KCNK2: variants seen among roughly 807,000 people sequenced by gnomAD.
KCNK2 encodes the protein potassium two pore domain channel subfamily K member 2.
KCNK2 carries 21 observed loss-of-function variants against 40.5 expected under a neutral mutation model. The ratio of observed to expected loss-of-function variants is 0.52; its 90% confidence interval spans 0.37 to 0.75. The LOEUF is 0.75. Among genes scored for constraint, KCNK2 ranks in the 30% least tolerant of loss-of-function variants. The pLI is 0.00. For missense variants in KCNK2, 399 were observed against 531.6 expected, an observed-to-expected ratio of 0.75 and a Z score of 2.45; for synonymous variants, 191 against 202.2, an observed-to-expected ratio of 0.94 and a Z score of 0.47.
At chr1:215,083,856 A>G (rs547314985) in intron 1 of KCNK2, among the ~76,000 whole-genome samples, 5 of 152,250 alleles carry the variant, frequency 3.3e-5, no homozygotes, top group South Asian at 4.1e-4. Flanking sequence ...GAGCGAAGAC[A>G]TATCTGGGTG....
intron 6 of KCNK2, among the ~76,000 whole-genome samples, chr1:215,229,128 C>CT (rs1171885885): frequency 1.3e-5 from 2 of 150,206 alleles, no homozygotes; most frequent in African/African-American, 4.9e-5. Flanking sequence ...TAAGACAATT[C>CT]TTTTTTTTCT....
intron 1 of KCNK2, among the ~76,000 whole-genome samples, chr1:215,011,617 A>ACATTCATCCTTC (rs1383538977): frequency 2.3e-5 from 3 of 130,650 alleles, no homozygotes; most frequent in East Asian, 2.4e-4. Flanking sequence ...TTTTATTTTT[A>ACATTCATCCTTC]TTTTTTGAGA....
intron 1 of KCNK2, among the ~76,000 whole-genome samples, chr1:215,011,328 T>C (rs1312749785): frequency 1.3e-5 from 2 of 152,196 alleles, no homozygotes; most frequent in Admixed American, 6.5e-5. Flanking sequence ...GGTCTCACAC[T>C]GGTTGTCCAG....
intron 3 of KCNK2, among the ~76,000 whole-genome samples, chr1:215,155,910 G>T (rs1662898646): frequency 6.6e-6 from 1 of 152,064 alleles, no homozygotes; most frequent in Admixed American, 6.5e-5. Flanking sequence ...GTATCTTGAG[G>T]TGTTTATATT....
At chr1:215,194,682 G>C (rs745948783) in intron 5 of KCNK2, among the ~76,000 whole-genome samples, 23 of 152,108 alleles carry the variant, frequency 1.5e-4, no homozygotes, top group Non-Finnish European at 3.1e-4. Flanking sequence ...TTATATAAAT[G>C]TAAATGAAAC....
At position 215,083,197 on chromosome 1, in the gene KCNK2, C is replaced by CCCCCCCCCCCCT; in HGVS notation, c.-183_-182insCCCCCTCCCCCC. 5.6e-6 allele frequency: 3 copies of CCCCCCCCCCCCT among 536,500 alleles called. No individual in the cohort carries two copies. Among genetic ancestry groups the CCCCCCCCCCCCT allele is most frequent in the Admixed American group, 3.0e-5 (1 of 33,106 alleles). The allele number at this position is 536,500 out of a possible 1,614,324, so 33.2% of individuals were successfully genotyped here. On this transcript the variant is annotated 5_prime_UTR_variant, in exon 1 of 7. Coordinates refer to ENST00000444842, the MANE Select transcript of KCNK2 (RefSeq NM_001017425.3). ...GCGATTTCGTTTCTTCTCACGCTCC[C>CCCCCCCCCCCCT]CCCCCCGCCCCCTCCCGCGTCCAGC...
chr1:215,118,908 A>G (rs1418641237), intron 2 of KCNK2, among the ~76,000 whole-genome samples: 1 of 152,162 alleles, frequency 6.6e-6, no homozygotes, highest in Non-Finnish European at 1.5e-5. Flanking sequence ...GTGTGACAGC[A>G]TATTTTAATG....
intron 5 of KCNK2, among the ~76,000 whole-genome samples, chr1:215,184,554 G>A (rs1571705606): frequency 1.3e-5 from 2 of 152,104 alleles, no homozygotes; most frequent in East Asian, 1.9e-4. Flanking sequence ...CATGGTTGGG[G>A]AGGCCTCAGG....
intron 2 of KCNK2, among the ~76,000 whole-genome samples, chr1:215,109,282 A>G (rs1660575424): frequency 6.6e-6 from 1 of 152,074 alleles, no homozygotes; most frequent in Non-Finnish European, 1.5e-5. Context: ...GCTGTCAAAC[A>G]TTAGAACTTA....
At chr1:215,023,207 A>G (rs1397884627) in intron 1 of KCNK2, among the ~76,000 whole-genome samples, 1 of 152,092 alleles carries the variant, frequency 6.6e-6, no homozygotes, top group African/African-American at 2.4e-5. Context: ...GCTTGTTATT[A>G]TTATTATTTT....
rs1256738316 is a variant in KCNK2, at chr1:215,144,890, A to G, written c.475+20140A>G. On this transcript the variant is annotated intron_variant, in intron 3 of 6. Transcript: ENST00000444842. ...TATACCACTTACTAATGAAGGATTA[A>G]ATATTCTCACAGCTGCTAATGTCTG... Among the ~76,000 whole-genome samples the G allele has an allele frequency of 2.0e-5, 3 of 152,186 alleles. No homozygotes were observed. The East Asian group carries it at 5.8e-4, about 29-fold the overall frequency.
chr1:215,163,703 T>C (rs1043793785), intron 3 of KCNK2, among the ~76,000 whole-genome samples: 10 of 152,334 alleles, frequency 6.6e-5, no homozygotes, highest in African/African-American at 2.4e-4. Flanking sequence ...TTGTTTCTGT[T>C]TATGTGATGC....
chr1:215,200,851 TGAGA>T (rs1294665766), intron 6 of KCNK2, among the ~76,000 whole-genome samples: 1 of 152,052 alleles, frequency 6.6e-6, no homozygotes, highest in African/African-American at 2.4e-5. Flanking sequence ...TGCTGGAAAA[TGAGA>T]GATTTTGCGT....
At chr1:215,042,024 A>C (rs1478990706) in intron 1 of KCNK2, among the ~76,000 whole-genome samples, 1 of 152,162 alleles carries the variant, frequency 6.6e-6, no homozygotes, top group Non-Finnish European at 1.5e-5. Context: ...CCCTTATAAA[A>C]CTATCAGATC....
chr1:215,042,667 A>C (rs887462639), intron 1 of KCNK2, among the ~76,000 whole-genome samples: 3 of 152,194 alleles, frequency 2.0e-5, no homozygotes, highest in Non-Finnish European at 4.4e-5. Flanking sequence ...ATGCTTATTC[A>C]AGACACTAAA....
chr1:215,213,357 C>G (rs1665823885), intron 6 of KCNK2, among the ~76,000 whole-genome samples: 1 of 152,150 alleles, frequency 6.6e-6, no homozygotes, highest in South Asian at 2.1e-4. Flanking sequence ...GCCTGTAATT[C>G]CAGTACTTTG....
chr1:215,082,401 C>T (rs1012435909), upstream of KCNK2, among the ~76,000 whole-genome samples: 1 of 152,128 alleles, frequency 6.6e-6, no homozygotes, highest in Non-Finnish European at 1.5e-5. Flanking sequence ...CAAGGACTCG[C>T]GTCCCAGAGC....
At chr1:215,215,538 CTT>C (rs1665927183) in intron 6 of KCNK2, among the ~76,000 whole-genome samples, 1 of 152,142 alleles carries the variant, frequency 6.6e-6, no homozygotes, top group Non-Finnish European at 1.5e-5. Flanking sequence ...CATTTTCTCT[CTT>C]GTCACAGTCC....
chr1:215,219,292 T>C (rs1201337370), intron 6 of KCNK2, among the ~76,000 whole-genome samples: 3 of 152,226 alleles, frequency 2.0e-5, no homozygotes, highest in African/African-American at 7.2e-5. Flanking sequence ...TTCATATATG[T>C]TGCATGTGGC....
Sources: allele counts gnomAD v4.1 joint callset (sites outside exome capture counted in the v4.1 genomes callset), GRCh38; gene constraint gnomAD v4.1.1; transcripts MANE v1.5; gene names NCBI Gene and HGNC (gene_info 2026-07-23, HGNC 2026-07-21).